The following GRIK2 variants were observed in gnomAD, a reference collection of about 807,000 sequenced individuals.
GRIK2 encodes glutamate receptor ionotropic, kainate 2.
A neutral mutation model predicts 100.3 loss-of-function variants in GRIK2; 32 were observed. That is an observed-to-expected ratio of 0.32 (90% CI 0.24 to 0.43). The LOEUF is 0.43. Ranked by LOEUF, GRIK2 falls within the 20% of genes least tolerant of loss-of-function variation. The pLI, the probability that GRIK2 is intolerant of heterozygous loss-of-function variation, is 1.00. For synonymous variants in GRIK2, 417 were observed against 389.4 expected (o/e 1.07, Z -0.83); for missense variants, 843 against 1,114.9 (o/e 0.76, Z 3.47).
chr6:101,588,567 C>T (rs1001494628), intron 2 of GRIK2, among the ~76,000 whole-genome samples: 15 of 151,872 alleles, frequency 9.9e-5, no homozygotes, highest in African/African-American at 3.6e-4. Context: ...ATCACTTGAG[C>T]CCAGGAGTTT....
intron 2 of GRIK2, among the ~76,000 whole-genome samples, chr6:101,482,959 AT>A (rs1772611697): frequency 6.6e-6 from 1 of 152,150 alleles, no homozygotes; most frequent in Non-Finnish European, 1.5e-5. Context: ...TTTATTTTTT[AT>A]TTGGTAGTAT....
intron 14 of GRIK2, among the ~76,000 whole-genome samples, chr6:101,969,511 A>G (rs1333330262): frequency 6.6e-6 from 1 of 152,040 alleles, no homozygotes; most frequent in African/African-American, 2.4e-5. Context: ...CAAATAATTG[A>G]TTTCAACTCA....
chr6:101,975,973 C>A (rs112100708), intron 14 of GRIK2, among the ~76,000 whole-genome samples: 106 of 152,028 alleles, frequency 7.0e-4, no homozygotes, highest in African/African-American at 2.5e-3. Flanking sequence ...GATAACATAA[C>A]ATCCCTGAGA....
At chr6:101,549,085 T>C (rs201336984) in intron 2 of GRIK2, among the ~76,000 whole-genome samples, 2 of 152,090 alleles carry the variant, frequency 1.3e-5, no homozygotes, top group African/African-American at 4.8e-5. Context: ...TGAGGATTAA[T>C]TTAGGGGATA....
intron 7 of GRIK2, among the ~76,000 whole-genome samples, chr6:101,789,003 G>A (rs1201125422): frequency 6.6e-6 from 1 of 152,138 alleles, no homozygotes; most frequent in Non-Finnish European, 1.5e-5. Context: ...CTGCATAAAT[G>A]TCTTTTTTTG....
intron 7 of GRIK2, among the ~76,000 whole-genome samples, chr6:101,712,359 C>T (rs894631461): frequency 1.3e-5 from 2 of 151,736 alleles, no homozygotes; most frequent in Admixed American, 6.6e-5. Context: ...ATTTATATGC[C>T]CATTGGAATT....
intron 7 of GRIK2, among the ~76,000 whole-genome samples, chr6:101,690,082 C>A (rs1771985128): frequency 6.6e-6 from 1 of 152,086 alleles, no homozygotes. Flanking sequence ...ACAGCAATTT[C>A]AGGTAAAGAC....
intron 12 of GRIK2, among the ~76,000 whole-genome samples, chr6:101,893,306 A>G (rs1441127932): frequency 6.6e-6 from 1 of 151,578 alleles, no homozygotes; most frequent in Middle Eastern, 3.7e-3. Context: ...ATTCTTAAGT[A>G]TGTATTTTAT....
intron 14 of GRIK2, among the ~76,000 whole-genome samples, chr6:102,004,408 G>T (rs1795105339): frequency 6.6e-6 from 1 of 150,846 alleles, no homozygotes; most frequent in Admixed American, 6.6e-5. Flanking sequence ...TAGAGAGTGA[G>T]GTAGGGGATG....
intron 14 of GRIK2, among the ~76,000 whole-genome samples, chr6:101,969,232 T>G (rs1462370439): frequency 6.6e-6 from 1 of 152,010 alleles, no homozygotes; most frequent in Non-Finnish European, 1.5e-5. Flanking sequence ...GCTATTGTAT[T>G]AATATTCTAC....
chr6:102,008,858 T>A (rs1795376850), intron 14 of GRIK2, among the ~76,000 whole-genome samples: 1 of 152,044 alleles, frequency 6.6e-6, no homozygotes, highest in African/African-American at 2.4e-5. Flanking sequence ...GGAAAAAACT[T>A]CAAAATGTTG....
chr6:101,785,920 A>G lies in GRIK2; in HGVS notation c.952-13728A>G, dbSNP rs1488047191. Reference sequence around the variant, plus strand: ...GTAGATTGTTTTGGGTAGTATGGCCATTTTTACAACATTAATCCTTCCTAT... The same window carrying G: ...GTAGATTGTTTTGGGTAGTATGGCCGTTTTTACAACATTAATCCTTCCTAT... On this transcript the variant is annotated intron_variant, in intron 7 of 16. Transcript: ENST00000369134. Among the ~76,000 whole-genome samples the G allele has an allele frequency of 5.9e-5, 9 of 152,062 alleles. No homozygotes were observed. The East Asian group carries it at 1.7e-3, about 29-fold the overall frequency.
intron 14 of GRIK2, among the ~76,000 whole-genome samples, chr6:101,998,052 T>G (rs1794741324): frequency 6.6e-6 from 1 of 152,190 alleles, no homozygotes; most frequent in East Asian, 1.9e-4. Context: ...AGTGAGCATA[T>G]CTATCCACTC....
rs569880697 is a variant in GRIK2, at chr6:101,895,853, T to C, written c.1748+5990T>C. ...CACACTTAGCAATTTTCCTAAAATTTACTGAAAATTTAGTTTTAAATACGT... is the reference window on the plus strand; with the variant it reads ...CACACTTAGCAATTTTCCTAAAATTCACTGAAAATTTAGTTTTAAATACGT... On this transcript the variant is annotated intron_variant, in intron 12 of 16. Transcript: ENST00000369134. Among the ~76,000 whole-genome samples the C allele has an allele frequency of 6.6e-5, 10 of 151,888 alleles. No individual in the cohort carries two copies. The South Asian group carries it at 2.1e-3, about 31-fold the overall frequency.
intron 11 of GRIK2, among the ~76,000 whole-genome samples, chr6:101,885,108 T>C (rs1490264781): frequency 2.6e-5 from 4 of 152,114 alleles, no homozygotes; most frequent in African/African-American, 4.8e-5. Flanking sequence ...TACAATAATA[T>C]GTGCATTCAA....
At chr6:102,064,710 T>A (rs1771931260) in intron 16 of GRIK2, among the ~76,000 whole-genome samples, 1 of 151,188 alleles carries the variant, frequency 6.6e-6, no homozygotes, top group Non-Finnish European at 1.5e-5. Flanking sequence ...GGGAAACAAT[T>A]ATATTTCACA....
At chr6:101,523,689 C>T (rs1393101428) in intron 2 of GRIK2, among the ~76,000 whole-genome samples, 1 of 148,182 alleles carries the variant, frequency 6.7e-6, no homozygotes, top group African/African-American at 2.5e-5. Context: ...CTTTCCTTGA[C>T]TACAAAAATA....
chr6:101,891,907 A>G (rs1365540946), intron 12 of GRIK2, among the ~76,000 whole-genome samples: 1 of 152,172 alleles, frequency 6.6e-6, no homozygotes, highest in Non-Finnish European at 1.5e-5. Flanking sequence ...TGACAGACAC[A>G]GCCACTCTAG....
chr6:101,592,147 C>T (rs1778677287), intron 2 of GRIK2, among the ~76,000 whole-genome samples: 1 of 151,984 alleles, frequency 6.6e-6, no homozygotes, highest in Admixed American at 6.6e-5. Context: ...ATCATGCTTC[C>T]TGTACAGCCT....
Sources: gnomAD v4.1 joint callset for allele counts (sites outside exome capture counted in the v4.1 genomes callset) on GRCh38, gnomAD v4.1.1 for gene constraint, MANE v1.5 for transcripts, NCBI Gene and HGNC (gene_info 2026-07-23, HGNC 2026-07-21) for gene names.